LRPPRC: variants seen among roughly 807,000 people sequenced by gnomAD.
LRPPRC encodes the protein leucine rich pentatricopeptide repeat containing.
Under a neutral mutation model 180.3 loss-of-function variants are expected in LRPPRC, and 120 were observed. That is an observed-to-expected ratio of 0.67 (90% CI 0.57 to 0.77). LRPPRC has a LOEUF of 0.77. LRPPRC is among the 30% of genes least tolerant of loss of function. The pLI, the probability that LRPPRC is intolerant of heterozygous loss-of-function variation, is 0.00. For missense variants in LRPPRC, 2,012 were observed against 1,657.2 expected (o/e 1.21, Z -3.72); for synonymous variants, 723 against 600.0 (o/e 1.21, Z -3.00).
chr2:43,958,471 A>G lies in LRPPRC; in HGVS notation c.1583-1020T>C, dbSNP rs115365844. On this transcript the variant is annotated intron_variant, in intron 13 of 37. Transcript: ENST00000260665. ...AAAAATAACAAATTAACCCACACACATAAGGAGAATTGTTTTAGATCAGCT... is the reference window on the plus strand; with the variant it reads ...AAAAATAACAAATTAACCCACACACGTAAGGAGAATTGTTTTAGATCAGCT... Among the ~76,000 whole-genome samples, 1,468 of 152,316 alleles carry G rather than the reference A, an allele frequency of 9.6e-3. 22 individuals are homozygous for G. Among genetic ancestry groups the G allele is most frequent in the African/African-American group, 0.033 (1,383 of 41,554 alleles).
intron 11 of LRPPRC, among the ~76,000 whole-genome samples, chr2:43,968,423 G>C (rs1489859866): frequency 4.6e-5 from 7 of 152,222 alleles, no homozygotes; most frequent in Non-Finnish European, 7.3e-5. Context: ...CATAGGCATG[G>C]AAGAAATTCT....
rs1670276969 is a variant in LRPPRC at position 43,886,541 on chromosome 2, C to T, written c.*2059G>A. On this transcript the variant is annotated 3_prime_UTR_variant, in exon 38 of 38. Coordinates refer to ENST00000260665, the MANE Select transcript of LRPPRC (RefSeq NM_133259.4). ...TACAAAAGATATTTGAACAGCTAGT[C>T]CTTTGTAACACCCCCCCGCTGCTGC... 6.6e-6 allele frequency: 1 copy of T among 152,144 alleles called. No homozygotes were observed. 9.4% of individuals were successfully genotyped at this position (152,144 alleles called of 1,614,324 possible).
chr2:43,971,506 A>AAAAAAAAAAAAAAG (rs1559036150), intron 11 of LRPPRC, among the ~76,000 whole-genome samples: 3 of 145,664 alleles, frequency 2.1e-5, no homozygotes, highest in African/African-American at 7.7e-5. Context: ...AAAAAAAAAG[A>AAAAAAAAAAAAAAG]AAAAAATATA....
intron 37 of LRPPRC, 70 bp from the exon 38 acceptor site, chr2:43,888,726 C>A: frequency 2.4e-6 from 2 of 846,722 alleles, no homozygotes; most frequent in East Asian, 4.9e-5. Flanking sequence ...CTTAAAAAAT[C>A]ATAAAACACT....
At chr2:43,913,673 G>GA (rs1236951528) in intron 29 of LRPPRC, among the ~76,000 whole-genome samples, 2 of 152,152 alleles carry the variant, frequency 1.3e-5, no homozygotes, top group African/African-American at 4.8e-5. Flanking sequence ...TTGGGCAAGT[G>GA]AAAGTAACAA....
At chr2:43,918,820 T>TAGAG (rs1268944030) in intron 27 of LRPPRC, among the ~76,000 whole-genome samples, 178 of 145,896 alleles carry the variant, frequency 1.2e-3, no homozygotes, top group African/African-American at 2.2e-3. Context: ...GATATATATA[T>TAGAG]ATCTATATAT....
chr2:43,925,833 A>G, intron 26 of LRPPRC, 60 bp downstream of exon 26: 6 of 1,063,548 alleles, frequency 5.6e-6, no homozygotes, highest in East Asian at 2.4e-5. Flanking sequence ...TGTGATACAG[A>G]GGACCCTTGC....
intron 30 of LRPPRC, among the ~76,000 whole-genome samples, chr2:43,909,947 A>G (rs878953167): frequency 2.0e-5 from 3 of 152,200 alleles, no homozygotes; most frequent in African/African-American, 7.2e-5. Context: ...GGAGGATTAT[A>G]GTAAGAAATG....
chr2:43,995,700 G>C, intron 1 of LRPPRC, 99 bp downstream of exon 1: 1 of 1,145,432 alleles, frequency 8.7e-7, no homozygotes, highest in Non-Finnish European at 1.1e-6. Context: ...GCGGGGAGAA[G>C]GGTGGCGAGC....
chr2:43,923,299 T>G (rs964016958), intron 27 of LRPPRC, among the ~76,000 whole-genome samples: 1 of 151,014 alleles, frequency 6.6e-6, no homozygotes, highest in African/African-American at 2.4e-5. Flanking sequence ...GGCAACATAG[T>G]GGGACCCCGT....
At chr2:43,974,552 C>T in intron 8 of LRPPRC, 62 bp downstream of exon 8, 3 of 1,170,476 alleles carry the variant, frequency 2.6e-6, no homozygotes, top group Non-Finnish European at 1.2e-6. Context: ...TCCTTTCCAT[C>T]ATGTAAGAAT....
chr2:43,941,341 C>T (rs1313230429), intron 23 of LRPPRC, among the ~76,000 whole-genome samples: 1 of 152,092 alleles, frequency 6.6e-6, no homozygotes, highest in African/African-American at 2.4e-5. Flanking sequence ...CTCTTTAGAG[C>T]CTTTTACAGT....
chr2:43,962,042 C>CT (rs1397098661), intron 12 of LRPPRC, among the ~76,000 whole-genome samples: 2 of 152,182 alleles, frequency 1.3e-5, no homozygotes, highest in Non-Finnish European at 1.5e-5. Context: ...AATCCCAAAA[C>CT]ACTCAATACT....
At chr2:43,937,507 C>T (rs185823218) in intron 23 of LRPPRC, among the ~76,000 whole-genome samples, 17 of 152,106 alleles carry the variant, frequency 1.1e-4, no homozygotes, top group African/African-American at 4.1e-4. Flanking sequence ...TAGGTGATGA[C>T]GGAAATGAAA....
At chr2:43,937,818 A>C (rs1280164772) in intron 23 of LRPPRC, among the ~76,000 whole-genome samples, 1 of 152,206 alleles carries the variant, frequency 6.6e-6, no homozygotes, top group African/African-American at 2.4e-5. Context: ...GCAGGATGAA[A>C]TCAGTAAGGG....
At chr2:43,897,161 T>G (rs1016156319) in intron 34 of LRPPRC, among the ~76,000 whole-genome samples, 1 of 152,202 alleles carries the variant, frequency 6.6e-6, no homozygotes, top group Non-Finnish European at 1.5e-5. Flanking sequence ...AAGTTCTCTT[T>G]AAAGTATAAT....
intron 14 of LRPPRC, among the ~76,000 whole-genome samples, chr2:43,953,367 G>A (rs1305114870): frequency 6.6e-6 from 1 of 152,124 alleles, no homozygotes; most frequent in Non-Finnish European, 1.5e-5. Flanking sequence ...TTAACCAATG[G>A]TATACAGTTT....
At position 43,896,698 on chromosome 2, in the gene LRPPRC, GCAC is replaced by G; in HGVS notation, c.3833_3835del (p.Gly1278del). Reference sequence around the variant, plus strand: ...CAAAATCGGGGTTTGTTCAGCAATTGCACCACATCTCTAAAAATTAAAACATTA... The same window carrying G: ...CAAAATCGGGGTTTGTTCAGCAATTGCACATCTCTAAAAATTAAAACATTA... On this transcript the variant is annotated inframe_deletion, in exon 35 of 38. Coordinates refer to ENST00000260665, the MANE Select transcript of LRPPRC (RefSeq NM_133259.4). 3 of 1,601,610 alleles carry G rather than the reference GCAC, an allele frequency of 1.9e-6. No homozygotes were observed. The highest frequency in any genetic ancestry group is 2.6e-6 in the Non-Finnish European group (3 of 1,168,816).
In LRPPRC at chr2:43,995,923, G is replaced by A. The variant is rs1006458082; in HGVS notation, c.25C>T (p.Arg9Cys). 6.6e-7 allele frequency: 1 copy of A among 1,519,302 alleles called. No individual in the cohort carries two copies. Among genetic ancestry groups the A allele is most frequent in the African/African-American group, 1.4e-5 (1 of 70,626 alleles). 94.1% of individuals were successfully genotyped at this position (1,519,302 alleles called of 1,614,324 possible). ...GCCGCCCCGGCACGCAGCAACCAACGCGCGGATCTCAGCAGGGCTGCCATT... is the reference window on the plus strand; with the variant it reads ...GCCGCCCCGGCACGCAGCAACCAACACGCGGATCTCAGCAGGGCTGCCATT... MAALLRSARWLLRAGAAPR... is the reference protein window; with the variant it reads MAALLRSACWLLRAGAAPR... The change falls in exon 1 of 38, where the codon CGT (arginine) becomes TGT (cysteine). Residue 9 changes from arginine to cysteine, a missense_variant. Arg to Cys is a radical substitution (Grantham distance 180). Transcript: ENST00000260665.
Sources: gnomAD v4.1 joint callset for allele counts (sites outside exome capture counted in the v4.1 genomes callset) on GRCh38, gnomAD v4.1.1 for gene constraint, MANE v1.5 for transcripts, NCBI Gene and HGNC (gene_info 2026-07-23, HGNC 2026-07-21) for gene names.